PSME4: variants seen among roughly 807,000 people sequenced by gnomAD.
The protein encoded by PSME4 is proteasome activator subunit 4, also known as proteasome activator complex subunit 4.
In PSME4, 89 loss-of-function variants were observed where a neutral mutation model predicts 253.9. That is an observed-to-expected ratio of 0.35 (90% CI 0.30 to 0.42). PSME4 has a LOEUF of 0.42. Ranked by LOEUF, PSME4 falls within the 10% of genes least tolerant of loss-of-function variation. The pLI is 1.00. For synonymous variants in PSME4, 851 were observed against 759.2 expected, an observed-to-expected ratio of 1.12 and a Z score of -1.99; for missense variants, 2,014 against 2,195.2, an observed-to-expected ratio of 0.92 and a Z score of 1.65.
chr2:53,927,089 TA>T (rs1338117645), intron 12 of PSME4, among the ~76,000 whole-genome samples: 3 of 152,292 alleles, frequency 2.0e-5, no homozygotes, highest in African/African-American at 7.2e-5. Flanking sequence ...ATTACTAACC[TA>T]AGATGATAGA....
chr2:53,957,407 A>AC (rs1670285231), intron 1 of PSME4, among the ~76,000 whole-genome samples: 1 of 152,156 alleles, frequency 6.6e-6, no homozygotes, highest in South Asian at 2.1e-4. Context: ...AGATGGTCCC[A>AC]TTGGGGGGTG....
intron 1 of PSME4, among the ~76,000 whole-genome samples, chr2:53,960,497 T>C (rs1477406731): frequency 6.6e-6 from 1 of 152,058 alleles, no homozygotes. Flanking sequence ...GAATAAAATG[T>C]TGTAAGTTTC....
chr2:53,897,831 T>C (rs1680211661), intron 31 of PSME4, 39 bp downstream of exon 31: 1 of 1,595,570 alleles, frequency 6.3e-7, no homozygotes, highest in Admixed American at 1.7e-5. Flanking sequence ...CACGTACATA[T>C]TCTCAAACCC....
intron 7 of PSME4, among the ~76,000 whole-genome samples, chr2:53,935,510 C>T (rs995451850): frequency 5.3e-5 from 8 of 152,154 alleles, no homozygotes; most frequent in Admixed American, 2.0e-4. Flanking sequence ...TGAAGACACA[C>T]CTGGAACATC....
In PSME4 at chr2:53,866,213, T is replaced by C. The variant is rs1461515740; in HGVS notation, c.5408A>G (p.Lys1803Arg). 2 of 1,614,054 alleles carry C rather than the reference T, an allele frequency of 1.2e-6. No individual in the cohort carries two copies. Among genetic ancestry groups the C allele is most frequent in the Non-Finnish European group, 1.7e-6 (2 of 1,179,964 alleles). The change falls in exon 46 of 47, where the codon AAA becomes AGA. Residue 1803 changes from lysine to arginine, a missense_variant. Lys to Arg is a conservative substitution (Grantham distance 26). Coordinates refer to ENST00000404125, the MANE Select transcript of PSME4 (RefSeq NM_014614.3). Reference protein sequence around the residue: ...NDPQPIEMTVKKTLSNFRRTH... With the variant: ...NDPQPIEMTVRKTLSNFRRTH... The stretch of plus-strand genomic sequence containing the variant: ...CCTTCGGAAATTGGATAAGGTTTTT[T>C]TTACAGTCATCTGTAAAGTAGACAA...
intron 17 of PSME4, among the ~76,000 whole-genome samples, chr2:53,921,428 G>A (rs1353914020): frequency 3.3e-5 from 5 of 151,240 alleles, no homozygotes; most frequent in Non-Finnish European, 5.9e-5. Context: ...TGTATTTTTA[G>A]TAGAGACAAG....
chr2:53,894,144 CA>C (rs1680036460), intron 34 of PSME4, among the ~76,000 whole-genome samples: 1 of 152,216 alleles, frequency 6.6e-6, no homozygotes, highest in Admixed American at 6.5e-5. Context: ...CAAGCCCCAA[CA>C]AATCACTTCC....
At chr2:53,866,607 A>G (rs1678576518) in intron 45 of PSME4, 140 bp downstream of exon 45, 2 of 888,436 alleles carry the variant, frequency 2.3e-6, no homozygotes, top group Non-Finnish European at 3.3e-6. Context: ...TTTAATAATT[A>G]CTGGTGAGCA....
intron 2 of PSME4, 59 bp from the exon 3 acceptor site, chr2:53,948,596 C>G (rs1573357937): frequency 9.6e-7 from 1 of 1,038,632 alleles, no homozygotes; most frequent in East Asian, 2.4e-5. Flanking sequence ...TGTGTGTATA[C>G]CACAAATACT....
intron 10 of PSME4, 91 bp downstream of exon 10, chr2:53,931,744 A>G: frequency 1.4e-6 from 2 of 1,407,934 alleles, no homozygotes; most frequent in Non-Finnish European, 1.9e-6. Context: ...TCGAAGAAGC[A>G]AAACAGAAGC....
intron 5 of PSME4, 51 bp from the exon 6 acceptor site, chr2:53,936,878 A>C (rs1359919405): frequency 2.4e-6 from 3 of 1,251,864 alleles, no homozygotes; most frequent in Non-Finnish European, 3.4e-6. Flanking sequence ...AAAGTGGTTC[A>C]ATGCCAGCTA....
intron 41 of PSME4, among the ~76,000 whole-genome samples, chr2:53,884,307 T>C (rs1468570434): frequency 2.6e-5 from 4 of 151,962 alleles, no homozygotes; most frequent in African/African-American, 9.7e-5. Flanking sequence ...ACCTCCCGGG[T>C]TCAAGCGATT....
chr2:53,898,141 C>A, intron 30 of PSME4, 142 bp from the exon 31 acceptor site: 1 of 1,170,230 alleles, frequency 8.5e-7, no homozygotes, highest in South Asian at 1.6e-5. Flanking sequence ...ATCATTAATC[C>A]CAAACTTTCC....
chr2:53,953,643 T>C (rs555098961), intron 1 of PSME4, among the ~76,000 whole-genome samples: 1 of 150,502 alleles, frequency 6.6e-6, no homozygotes, highest in Non-Finnish European at 1.5e-5. Flanking sequence ...ATTCCTGGAG[T>C]GCTAGAGTGC....
chr2:53,911,550 C>T (rs922594330), intron 20 of PSME4, among the ~76,000 whole-genome samples: 1 of 152,084 alleles, frequency 6.6e-6, no homozygotes, highest in African/African-American at 2.4e-5. Flanking sequence ...GGCCTGTACT[C>T]AAGAGTAACA....
chr2:53,932,641 C>A (rs551043440), intron 9 of PSME4, 27 bp downstream of exon 9: 15 of 1,549,482 alleles, frequency 9.7e-6, no homozygotes, highest in Admixed American at 3.3e-5. Context: ...AATTCCAAGC[C>A]CTATAATGCA....
intron 42 of PSME4, 42 bp from the exon 43 acceptor site, chr2:53,874,536 C>A: frequency 6.4e-7 from 1 of 1,573,758 alleles, no homozygotes; most frequent in Non-Finnish European, 8.7e-7. Context: ...GCAGTACTGA[C>A]AAGAACATGA....
At chr2:53,888,578 T>C in intron 38 of PSME4, 143 bp downstream of exon 38, 1 of 541,394 alleles carries the variant, frequency 1.8e-6, no homozygotes, top group Non-Finnish European at 3.2e-6. Flanking sequence ...TCACATGTTA[T>C]ATGGAACCAG....
At chr2:53,912,059 C>T (rs984313373) in intron 20 of PSME4, among the ~76,000 whole-genome samples, 3 of 152,218 alleles carry the variant, frequency 2.0e-5, no homozygotes, top group Non-Finnish European at 2.9e-5. Context: ...GCCTTATCTT[C>T]TTCCTCGACT....
Sources: gnomAD v4.1 joint callset for allele counts (sites outside exome capture counted in the v4.1 genomes callset) on GRCh38, gnomAD v4.1.1 for gene constraint, MANE v1.5 for transcripts, NCBI Gene and HGNC (gene_info 2026-07-23, HGNC 2026-07-21) for gene names.